Variants in DHRS3 observed in about 807,000 individuals in gnomAD.
DHRS3 encodes the protein short-chain dehydrogenase/reductase 3.
DHRS3 carries 14 observed loss-of-function variants against 27.2 expected under a neutral mutation model. That is an observed-to-expected ratio of 0.52 (90% CI 0.34 to 0.81). The LOEUF is 0.81. DHRS3 is among the 30% of genes least tolerant of loss of function. The pLI is 0.01. For missense variants in DHRS3, 322 were observed against 406.2 expected (o/e 0.79, Z 1.78); for synonymous variants, 165 against 175.9 (o/e 0.94, Z 0.49).
At chr1:12,579,008 TC>T in intron 3 of DHRS3, 52 bp from the exon 4 acceptor site, 1 of 1,517,624 alleles carries the variant, frequency 6.6e-7, no homozygotes, top group South Asian at 1.1e-5. Context: ...TGACAACCCC[TC>T]CACCTTTCTT....
Position 12,616,711 on chromosome 1 carries a change from G to A in DHRS3, c.195+443C>T, listed in dbSNP as rs1399179232. On this transcript the variant is annotated intron_variant, in intron 1 of 5. Coordinates refer to ENST00000616661, the MANE Select transcript of DHRS3 (RefSeq NM_004753.7). ...AGCTGCAGCCGCCCAGGTTGGGGCTGGGTAGCGGGTTGCCAAGGAAAATAC... is the reference window on the plus strand; with the variant it reads ...AGCTGCAGCCGCCCAGGTTGGGGCTAGGTAGCGGGTTGCCAAGGAAAATAC... 3.0e-6 allele frequency: 3 copies of A among 1,010,636 alleles called. No individual in the cohort carries two copies. The Admixed American group carries it at 1.7e-4, about 56-fold the overall frequency. 62.6% of individuals were successfully genotyped at this position (1,010,636 alleles called of 1,614,324 possible).
chr1:12,584,259 T>C (rs1646672760), intron 1 of DHRS3, among the ~76,000 whole-genome samples: 1 of 152,048 alleles, frequency 6.6e-6, no homozygotes, highest in Admixed American at 6.5e-5. Flanking sequence ...CCCAGCACTG[T>C]TGACCTAGCT....
intron 1 of DHRS3, among the ~76,000 whole-genome samples, chr1:12,582,753 T>A (rs572575831): frequency 1.3e-5 from 2 of 152,148 alleles, no homozygotes; most frequent in South Asian, 4.1e-4. Flanking sequence ...CATCCATCTA[T>A]CTGTCCATCC....
rs117787307 is a variant in DHRS3 at position 12,603,591 on chromosome 1, G to A, written c.195+13563C>T. Among the ~76,000 whole-genome samples, 24 of 152,236 alleles carry A rather than the reference G, an allele frequency of 1.6e-4. No individual in the cohort carries two copies. The East Asian group carries it at 4.5e-3, about 28-fold the overall frequency. On this transcript the variant is annotated intron_variant, in intron 1 of 5. Coordinates refer to ENST00000616661, the MANE Select transcript of DHRS3 (RefSeq NM_004753.7). ...ACCTGGACCTTGAACCTCAGCTGGC[G>A]CTGAGGTCCGCATGGGGACCGCGGG...
intron 3 of DHRS3, 65 bp from the exon 4 acceptor site, chr1:12,579,021 C>G (rs548607479): frequency 6.8e-7 from 1 of 1,467,746 alleles, no homozygotes; most frequent in Admixed American, 1.8e-5. Flanking sequence ...ACCTTTCTTT[C>G]GGGGAGAACA....
In DHRS3 at chr1:12,617,989, C is replaced by A. The variant is rs1420075626; in HGVS notation, c.-641G>T. Among the ~76,000 whole-genome samples, 4 of 151,964 alleles carry A rather than the reference C, an allele frequency of 2.6e-5. No individual in the cohort carries two copies. Among genetic ancestry groups the A allele is most frequent in the Non-Finnish European group, 5.9e-5 (4 of 67,974 alleles). On this transcript the variant is annotated 5_prime_UTR_variant, in exon 1 of 6. Transcript: ENST00000616661. ...TTAAACGCGATCTGATTGCCAGCAA[C>A]GTGCAGGAGAAGTGGGGGGTCCGGG...
At chr1:12,571,599 C>T (rs866239559) in intron 5 of DHRS3, among the ~76,000 whole-genome samples, 22 of 148,036 alleles carry the variant, frequency 1.5e-4, no homozygotes, top group African/African-American at 4.8e-4. Flanking sequence ...GGTGCGATCT[C>T]GGCTCACCTC....
At chr1:12,615,678 A>G (rs1646939765) in intron 1 of DHRS3, among the ~76,000 whole-genome samples, 1 of 152,094 alleles carries the variant, frequency 6.6e-6, no homozygotes, top group African/African-American at 2.4e-5. Flanking sequence ...ATCACATGCA[A>G]TTGTCCCAAA....
At chr1:12,616,559 C>A (rs1450817064) in intron 1 of DHRS3, 1 of 986,048 alleles carries the variant, frequency 1.0e-6, no homozygotes, top group African/African-American at 1.7e-5. Flanking sequence ...TAGCTGCTTA[C>A]CCTGGCCTCC....
chr1:12,617,246 CCCGCAG>C lies in DHRS3; in HGVS notation c.97_102del (p.Leu33_Arg34del). The C allele has an allele frequency of 1.9e-6, 3 of 1,613,810 alleles. No individual in the cohort carries two copies. The highest frequency in any genetic ancestry group is 2.5e-6 in the Non-Finnish European group (3 of 1,179,994). On this transcript the variant is annotated inframe_deletion, in exon 1 of 6. Coordinates refer to ENST00000616661, the MANE Select transcript of DHRS3 (RefSeq NM_004753.7). ...ATGAGGACGTTCTCCCGCGACAGGT[CCCGCAG>C]CTTGGCGGGCAGCACCAGTCCGACG...
chr1:12,579,155 A>C, intron 3 of DHRS3, 138 bp downstream of exon 3: 1 of 1,456,916 alleles, frequency 6.9e-7, no homozygotes, highest in Non-Finnish European at 9.4e-7. Flanking sequence ...AGAGCTGGTC[A>C]TTCGTCTTGT....
intron 1 of DHRS3, among the ~76,000 whole-genome samples, chr1:12,587,723 AAAAACAAAAC>A (rs56072193): frequency 4.6e-5 from 7 of 150,828 alleles, no homozygotes; most frequent in Admixed American, 2.0e-4. Context: ...ACAAAAACCA[AAAAACAAAAC>A]AAAACAAAAC....
chr1:12,597,620 G>C (rs12146092), intron 1 of DHRS3, among the ~76,000 whole-genome samples: 76,353 of 152,040 alleles, frequency 0.5, 19,220 homozygotes, highest in South Asian at 0.59. Flanking sequence ...AATGTAGGCT[G>C]TCCAAGGAAT....
chr1:12,611,889 C>T (rs1355890487), intron 1 of DHRS3, among the ~76,000 whole-genome samples: 3 of 150,052 alleles, frequency 2.0e-5, no homozygotes, highest in Non-Finnish European at 3.0e-5. Context: ...CCCAAGAGTT[C>T]GAGACTAACC....
intron 5 of DHRS3, among the ~76,000 whole-genome samples, chr1:12,572,401 A>T (rs889899252): frequency 3.3e-5 from 5 of 151,780 alleles, no homozygotes; most frequent in Non-Finnish European, 5.9e-5. Flanking sequence ...CAATCTCTTG[A>T]CCTCGTGATC....
rs1455324943 is a variant in DHRS3, at chr1:12,586,781, C to T, written c.196-6115G>A. 6.6e-6 allele frequency among the ~76,000 whole-genome samples: 1 copy of T among 152,190 alleles called. No individual in the cohort carries two copies. Among genetic ancestry groups the T allele is most frequent in the African/African-American group, 2.4e-5 (1 of 41,462 alleles). Reference sequence around the variant, plus strand: ...CTGGGATTTGAACCAAGGTCATGTCCAGCTCCACAGGCTGTGGGGATTGCA... The same window carrying T: ...CTGGGATTTGAACCAAGGTCATGTCTAGCTCCACAGGCTGTGGGGATTGCA... On this transcript the variant is annotated intron_variant, in intron 1 of 5. Coordinates refer to ENST00000616661, the MANE Select transcript of DHRS3 (RefSeq NM_004753.7). The surrounding 1 kb of genome is among the most constrained non-coding windows in gnomAD (Gnocchi z 5.0).
rs111681978 is a variant in DHRS3 at position 12,579,767 on chromosome 1, C to A, written c.340-355G>T. 6.5e-3 allele frequency: 1,465 copies of A among 226,330 alleles called. 12 individuals are homozygous for A. Among genetic ancestry groups the A allele is most frequent in the Non-Finnish European group, 0.011 (1,198 of 113,588 alleles). The allele number at this position is 226,330 out of a possible 1,614,324, so 14.0% of individuals were successfully genotyped here. ...GGATTACAGGTGTGAGCCACCGCAC[C>A]CGGTCCAATATACTTTTTAAAAGGG... On this transcript the variant is annotated intron_variant, in intron 2 of 5. Transcript: ENST00000616661.
At position 12,609,017 on chromosome 1, in the gene DHRS3, C is replaced by A. The variant is rs569288577; in HGVS notation, c.195+8137G>T. 3.3e-5 allele frequency among the ~76,000 whole-genome samples: 5 copies of A among 152,334 alleles called. No individual in the cohort carries two copies. In the East Asian group the frequency reaches 9.7e-4, roughly 29 times the overall value. On this transcript the variant is annotated intron_variant, in intron 1 of 5. Coordinates refer to ENST00000616661, the MANE Select transcript of DHRS3 (RefSeq NM_004753.7). ...CACATGGACACAATACCCCAGAAGT[C>A]GTTTGACAAAGTAGGACTGAAAAGC... is the stretch of plus-strand genomic sequence containing the variant.
At chr1:12,576,435 A>G (rs964564059) in intron 4 of DHRS3, among the ~76,000 whole-genome samples, 4 of 152,006 alleles carry the variant, frequency 2.6e-5, no homozygotes, top group African/African-American at 9.7e-5. Context: ...GGTGGTGGGC[A>G]CCTGTAGTCC....
Sources: gnomAD v4.1 joint callset for allele counts (sites outside exome capture counted in the v4.1 genomes callset) on GRCh38, gnomAD v4.1.1 for gene constraint, Gnocchi (gnomAD v3.1) non-coding constraint, MANE v1.5 for transcripts, NCBI Gene and HGNC (gene_info 2026-07-23, HGNC 2026-07-21) for gene names.